Variants in GRM5 observed in about 807,000 individuals in gnomAD.
GRM5 encodes the protein glutamate metabotropic receptor 5, also known as metabotropic glutamate receptor 5.
A neutral mutation model predicts 83.1 loss-of-function variants in GRM5; 19 were observed. The observed-to-expected ratio is 0.23, with a 90% CI of 0.16 to 0.34. The LOEUF (loss-of-function observed/expected upper bound fraction) is 0.34, where lower values mean the gene tolerates loss of function less well. Ranked by LOEUF, GRM5 falls within the 10% of genes least tolerant of loss-of-function variation. The pLI is 1.00. For missense variants in GRM5, 1,160 were observed against 1,588.3 expected (o/e 0.73, Z 4.58); for synonymous variants, 675 against 633.6 (o/e 1.07, Z -0.98).
chr11:89,026,067 A>T (rs1206502894), intron 2 of GRM5, among the ~76,000 whole-genome samples: 1 of 152,234 alleles, frequency 6.6e-6, no homozygotes, highest in Non-Finnish European at 1.5e-5. Context: ...ACTCAAGAAT[A>T]GAAAAATACC....
At chr11:89,001,169 G>A (rs535803849) in intron 2 of GRM5, among the ~76,000 whole-genome samples, 1 of 151,914 alleles carries the variant, frequency 6.6e-6, no homozygotes, top group East Asian at 1.9e-4. Context: ...AAAAAAAATT[G>A]CCAAACTACA....
chr11:88,876,936 A>G (rs141906616), intron 2 of GRM5, among the ~76,000 whole-genome samples: 34 of 152,242 alleles, frequency 2.2e-4, no homozygotes, highest in Admixed American at 1.5e-3. Context: ...AAACTGGAAG[A>G]CATTATGTTA....
intron 2 of GRM5, among the ~76,000 whole-genome samples, chr11:88,938,799 A>G (rs1168414277): frequency 3.3e-5 from 5 of 151,700 alleles, no homozygotes; most frequent in Non-Finnish European, 5.9e-5. Flanking sequence ...TTTTACATCT[A>G]TATATCAGCA....
chr11:88,923,861 C>T (rs931245957), intron 2 of GRM5, among the ~76,000 whole-genome samples: 3 of 149,260 alleles, frequency 2.0e-5, no homozygotes, highest in East Asian at 3.9e-4. Flanking sequence ...CATATATATT[C>T]GTATTTATGT....
chr11:89,034,380 T>A (rs1941334367), intron 2 of GRM5, among the ~76,000 whole-genome samples: 1 of 151,690 alleles, frequency 6.6e-6, no homozygotes, highest in African/African-American at 2.4e-5. Flanking sequence ...CACGACACAA[T>A]TTTTTTTACT....
intron 2 of GRM5, among the ~76,000 whole-genome samples, chr11:89,005,074 T>C (rs1215856859): frequency 1.3e-5 from 2 of 152,198 alleles, no homozygotes; most frequent in Non-Finnish European, 2.9e-5. Context: ...GACTATGGGA[T>C]TTCACAGCTG....
intron 2 of GRM5, among the ~76,000 whole-genome samples, chr11:88,883,620 GAAGTCA>G (rs547749052): frequency 3.3e-4 from 50 of 152,264 alleles, no homozygotes; most frequent in African/African-American, 1.2e-3. Flanking sequence ...TAAGTAACAA[GAAGTCA>G]AATACTAATC....
intron 3 of GRM5, among the ~76,000 whole-genome samples, chr11:88,840,493 A>G (rs1590902051): frequency 6.6e-6 from 1 of 151,666 alleles, no homozygotes; most frequent in South Asian, 2.1e-4. Context: ...TTTTTCCCAT[A>G]CCCATGATCT....
At chr11:88,817,956 T>C (rs1389002265) in intron 3 of GRM5, among the ~76,000 whole-genome samples, 2 of 152,120 alleles carry the variant, frequency 1.3e-5, no homozygotes, top group African/African-American at 4.8e-5. Context: ...TTCATTTCTA[T>C]AGTCATTGTA....
chr11:88,768,296 A>G (rs953868437), intron 3 of GRM5, among the ~76,000 whole-genome samples: 1 of 152,070 alleles, frequency 6.6e-6, no homozygotes, highest in African/African-American at 2.4e-5. Flanking sequence ...TAGCTATAAC[A>G]TGGATGACTT....
chr11:88,776,345 G>C (rs975947064), intron 3 of GRM5, among the ~76,000 whole-genome samples: 1 of 152,114 alleles, frequency 6.6e-6, no homozygotes, highest in Non-Finnish European at 1.5e-5. Context: ...TTGCATGTGA[G>C]ATGGGTCTCC....
intron 8 of GRM5, among the ~76,000 whole-genome samples, chr11:88,535,607 T>A (rs994320893): frequency 2.6e-5 from 4 of 152,190 alleles, no homozygotes; most frequent in African/African-American, 9.7e-5. Context: ...TTAAGCCACT[T>A]TGAGTTAGGT....
intron 3 of GRM5, among the ~76,000 whole-genome samples, chr11:88,679,470 T>C (rs1008018807): frequency 6.6e-6 from 1 of 152,180 alleles, no homozygotes; most frequent in African/African-American, 2.4e-5. Context: ...CTGAGAATGA[T>C]GAGTCAAGCC....
chr11:88,649,684 G>T (rs1460890226), intron 4 of GRM5, among the ~76,000 whole-genome samples: 1 of 151,124 alleles, frequency 6.6e-6, no homozygotes, highest in Non-Finnish European at 1.5e-5. Flanking sequence ...AAGAAAACCT[G>T]CCAATATCAA....
At chr11:88,766,462 C>G (rs1355421949) in intron 3 of GRM5, among the ~76,000 whole-genome samples, 3 of 151,704 alleles carry the variant, frequency 2.0e-5, no homozygotes, top group Non-Finnish European at 4.4e-5. Flanking sequence ...GGGGAATGAA[C>G]TCTATTCACT....
At chr11:88,984,356 T>A (rs1272721340) in intron 2 of GRM5, among the ~76,000 whole-genome samples, 1 of 152,186 alleles carries the variant, frequency 6.6e-6, no homozygotes, top group East Asian at 1.9e-4. Context: ...CAATTGCCTA[T>A]AGTTTTCACT....
intron 2 of GRM5, among the ~76,000 whole-genome samples, chr11:88,860,610 C>T (rs1363872064): frequency 6.6e-6 from 1 of 152,146 alleles, no homozygotes; most frequent in Non-Finnish European, 1.5e-5. Context: ...AAAAAAGTCG[C>T]TTCTTTGACA....
chr11:88,719,228 C>T (rs1278674333), intron 3 of GRM5, among the ~76,000 whole-genome samples: 2 of 151,932 alleles, frequency 1.3e-5, no homozygotes, highest in Admixed American at 6.6e-5. Flanking sequence ...TACCCTCCAC[C>T]CTCTGAAACA....
chr11:88,853,607 T>C (rs1275442162), intron 2 of GRM5, among the ~76,000 whole-genome samples: 1 of 151,912 alleles, frequency 6.6e-6, no homozygotes, highest in African/African-American at 2.4e-5. Flanking sequence ...ATTAGAGATA[T>C]GGAGGTGAAA....
Sources: gnomAD v4.1 joint callset for allele counts (sites outside exome capture counted in the v4.1 genomes callset) on GRCh38, gnomAD v4.1.1 for gene constraint, MANE v1.5 for transcripts, NCBI Gene and HGNC (gene_info 2026-07-23, HGNC 2026-07-21) for gene names.